The following SLCO3A1 variants were observed in gnomAD, a reference collection of about 807,000 sequenced individuals.
SLCO3A1 encodes the protein PGE1 transporter.
In SLCO3A1, 27 loss-of-function variants were observed where a neutral mutation model predicts 63.1. The ratio of observed to expected loss-of-function variants is 0.43; its 90% CI spans 0.32 to 0.59. The LOEUF (loss-of-function observed/expected upper bound fraction) is 0.59. Ranked by LOEUF, SLCO3A1 falls within the 20% of genes least tolerant of loss-of-function variation. The pLI is 0.09. For synonymous variants in SLCO3A1, 473 were observed against 409.9 expected (o/e 1.15, Z -1.86); for missense variants, 773 against 945.8 (o/e 0.82, Z 2.40).
intron 9 of SLCO3A1, among the ~76,000 whole-genome samples, chr15:92,153,851 C>A (rs2048338394): frequency 1.3e-5 from 2 of 151,912 alleles, no homozygotes; most frequent in African/African-American, 2.4e-5. Flanking sequence ...AAGGCCCAGA[C>A]TGGGGGGAAA....
rs201803530 is a variant in SLCO3A1 at position 91,866,568 on chromosome 15, CT to C, written c.180+12487del. Reference sequence around the variant, plus strand: ...TCCCAGAATTTCTCTGCACAGGCTCCTTTTTTTAAAAAAAAAAAAAAAAGAA... The same window carrying C: ...TCCCAGAATTTCTCTGCACAGGCTCCTTTTTTAAAAAAAAAAAAAAAAGAA... On this transcript the variant is annotated intron_variant, in intron 1 of 9. Coordinates refer to ENST00000318445, the MANE Select transcript of SLCO3A1 (RefSeq NM_013272.4). Among the ~76,000 whole-genome samples the C allele has an allele frequency of 1.7e-3, 242 of 142,240 alleles. 1 individual carries two copies. The highest frequency in any genetic ancestry group is 5.0e-3 in the African/African-American group (186 of 37,424). 93.3% of individuals were successfully genotyped at this position (142,240 alleles called of 152,430 possible).
intron 2 of SLCO3A1, among the ~76,000 whole-genome samples, chr15:91,994,246 A>G (rs72755630): frequency 0.037 from 5,637 of 152,272 alleles, 160 homozygotes; most frequent in Non-Finnish European, 0.05. Context: ...CAACTCTTCA[A>G]AGTAGGTACT....
chr15:91,910,370 G>A (rs1169080999), intron 1 of SLCO3A1, among the ~76,000 whole-genome samples: 1 of 152,154 alleles, frequency 6.6e-6, no homozygotes, highest in Non-Finnish European at 1.5e-5. Flanking sequence ...GCTGTCCCCA[G>A]ACTGTAAACT....
At chr15:91,962,799 C>T (rs1391941331) in intron 2 of SLCO3A1, among the ~76,000 whole-genome samples, 2 of 152,088 alleles carry the variant, frequency 1.3e-5, no homozygotes, top group Non-Finnish European at 2.9e-5. Flanking sequence ...AACCCAATAA[C>T]GAGATGCAGA....
intron 2 of SLCO3A1, among the ~76,000 whole-genome samples, chr15:91,999,623 A>T (rs1221936801): frequency 6.6e-6 from 1 of 152,032 alleles, no homozygotes; most frequent in Non-Finnish European, 1.5e-5. Context: ...CAGGGAAGTG[A>T]GGATTTTCAC....
rs1377038239 is a variant in SLCO3A1 at position 92,158,051 on chromosome 15, T to C, written c.1754-4705T>C. Among the ~76,000 whole-genome samples the C allele has an allele frequency of 4.6e-5, 7 of 152,336 alleles. No individual in the cohort carries two copies. In the East Asian group the frequency reaches 9.7e-4, roughly 21 times the overall value. ...GAGTTCACATCAAAGCCTACCACGA[T>C]GACAACTCCGTGTCTCTTCCTGCTG... is the stretch of plus-strand genomic sequence containing the variant. On this transcript the variant is annotated intron_variant, in intron 9 of 9. Transcript: ENST00000318445.
intron 2 of SLCO3A1, among the ~76,000 whole-genome samples, chr15:92,072,201 G>GT (rs1567103625): frequency 0.034 from 4,447 of 131,476 alleles, 157 homozygotes; most frequent in African/African-American, 0.098. Flanking sequence ...TCTTTTTTTT[G>GT]GTTTTTTTTT....
chr15:91,927,173 C>A lies in SLCO3A1; in HGVS notation c.646+10715C>A, dbSNP rs8024407. On this transcript the variant is annotated intron_variant, in intron 2 of 9. Transcript: ENST00000318445. Reference sequence around the variant, plus strand: ...GACACCCCTCGGCCCTCCACTCCCCCGAAAATTCCTTTGGGGCTGAAATTT... The same window carrying A: ...GACACCCCTCGGCCCTCCACTCCCCAGAAAATTCCTTTGGGGCTGAAATTT... Among the ~76,000 whole-genome samples the A allele has an allele frequency of 2.1e-3, 325 of 152,200 alleles. 3 individuals carry two copies. The highest frequency in any genetic ancestry group is 7.7e-3 in the African/African-American group (318 of 41,528).
At chr15:91,992,173 T>G (rs2046134314) in intron 2 of SLCO3A1, among the ~76,000 whole-genome samples, 1 of 152,234 alleles carries the variant, frequency 6.6e-6, no homozygotes, top group African/African-American at 2.4e-5. Flanking sequence ...AAGGCAAATG[T>G]CAAGGTGAGT....
chr15:91,866,714 T>TG (rs563382653), intron 1 of SLCO3A1, among the ~76,000 whole-genome samples: 10 of 150,926 alleles, frequency 6.6e-5, no homozygotes, highest in Admixed American at 4.0e-4. Context: ...TGATTTATCG[T>TG]GGGGGGGGAG....
intron 1 of SLCO3A1, among the ~76,000 whole-genome samples, chr15:91,914,208 A>G (rs1372817587): frequency 6.6e-6 from 1 of 152,202 alleles, no homozygotes; most frequent in Non-Finnish European, 1.5e-5. Context: ...GGATGGACCC[A>G]GGTGGTCTGG....
At chr15:92,018,833 G>A (rs1169966728) in intron 2 of SLCO3A1, among the ~76,000 whole-genome samples, 1 of 152,174 alleles carries the variant, frequency 6.6e-6, no homozygotes, top group Non-Finnish European at 1.5e-5. Context: ...TAAGAGCCTG[G>A]CCACTGAGGC....
At chr15:92,132,666 A>T (rs1352907079) in intron 7 of SLCO3A1, among the ~76,000 whole-genome samples, 3 of 145,216 alleles carry the variant, frequency 2.1e-5, no homozygotes, top group Non-Finnish European at 4.6e-5. Context: ...GTTGAAAGTC[A>T]GTATGAGTCC....
chr15:91,975,873 C>G (rs980955824), intron 2 of SLCO3A1, among the ~76,000 whole-genome samples: 1 of 152,096 alleles, frequency 6.6e-6, no homozygotes, highest in Non-Finnish European at 1.5e-5. Flanking sequence ...GAACCCTGGC[C>G]CCAGAGGTAA....
chr15:92,000,059 CTT>C (rs2046235125), intron 2 of SLCO3A1, among the ~76,000 whole-genome samples: 1 of 152,120 alleles, frequency 6.6e-6, no homozygotes, highest in Non-Finnish European at 1.5e-5. Context: ...ATTTGAATAA[CTT>C]AATGTTGAGT....
chr15:91,988,837 A>T (rs553462241), intron 2 of SLCO3A1, among the ~76,000 whole-genome samples: 1 of 152,328 alleles, frequency 6.6e-6, no homozygotes, highest in Admixed American at 6.5e-5. Context: ...CATACAGTTA[A>T]CGCAAGGACA....
At chr15:91,974,196 C>T (rs28620896) in intron 2 of SLCO3A1, among the ~76,000 whole-genome samples, 3,700 of 152,086 alleles carry the variant, frequency 0.024, 150 homozygotes, top group African/African-American at 0.083. Flanking sequence ...ACCAGGACAG[C>T]AGGTTCCAGA....
chr15:91,937,697 C>T (rs558050381), intron 2 of SLCO3A1, among the ~76,000 whole-genome samples: 10 of 137,734 alleles, frequency 7.3e-5, no homozygotes, highest in South Asian at 6.8e-4. Flanking sequence ...CCAGCCCGGA[C>T]GACAGTGCAA....
chr15:91,909,295 T>C (rs1371381649), intron 1 of SLCO3A1, among the ~76,000 whole-genome samples: 1 of 152,224 alleles, frequency 6.6e-6, no homozygotes, highest in Non-Finnish European at 1.5e-5. Flanking sequence ...TGCCTGTTTT[T>C]GTAAATAAAG....
Sources: gnomAD v4.1 joint callset for allele counts (sites outside exome capture counted in the v4.1 genomes callset) on GRCh38, gnomAD v4.1.1 for gene constraint, MANE v1.5 for transcripts, NCBI Gene and HGNC (gene_info 2026-07-23, HGNC 2026-07-21) for gene names.